The following CAT variants were observed in gnomAD, a reference collection of about 807,000 sequenced individuals.
The protein encoded by CAT is catalase, also known as epididymis secretory sperm binding protein.
A neutral mutation model predicts 59.0 loss-of-function variants in CAT; 43 were observed. The observed-to-expected ratio is 0.73, with a 90% CI of 0.57 to 0.94. The LOEUF (loss-of-function observed/expected upper bound fraction) is 0.94, where lower values mean the gene tolerates loss of function less well. Among genes scored for constraint, CAT ranks in the 40% least tolerant of loss-of-function variants. The pLI, the probability that CAT is intolerant of heterozygous loss-of-function variation, is 0.00. For missense variants in CAT, 664 were observed against 682.9 expected (o/e 0.97, Z 0.31); for synonymous variants, 218 against 230.9 (o/e 0.94, Z 0.51).
chr11:34,461,924 G>A (rs1856656475), intron 9 of CAT, among the ~76,000 whole-genome samples: 1 of 152,194 alleles, frequency 6.6e-6, no homozygotes, highest in Non-Finnish European at 1.5e-5. Flanking sequence ...GGGAGGCAGA[G>A]CAAGTCAAAG....
At chr11:34,445,345 T>C (rs1035130345) in intron 1 of CAT, among the ~76,000 whole-genome samples, 1 of 150,822 alleles carries the variant, frequency 6.6e-6, no homozygotes, top group African/African-American at 2.4e-5. Flanking sequence ...ATACAAAAAT[T>C]AGCTGGGTGT....
rs137989905 is a variant in CAT, at chr11:34,453,940, T to G, written c.711+14T>G. ...TTCCATTATAAGGTATGTGTTACCT[T>G]TGGGGCAGAGGGTACAAGGCTCCTA... On this transcript the variant is annotated intron_variant, in intron 6 of 12. Coordinates refer to ENST00000241052, the MANE Select transcript of CAT (RefSeq NM_001752.4). 3.4e-4 allele frequency: 553 copies of G among 1,613,188 alleles called. 1 individual carries two copies. The highest frequency in any genetic ancestry group is 2.9e-3 in the African/African-American group (216 of 75,006).
chr11:34,438,977 G>A lies in CAT; in HGVS notation c.-37G>A. ...CTGAGGGTGGAGACCCACGAGCCGA[G>A]GCCTCCTGCAGTGTTCTGCACAGCA... On this transcript the variant is annotated 5_prime_UTR_variant, in exon 1 of 13. Transcript: ENST00000241052. The A allele has an allele frequency of 6.4e-7, 1 of 1,551,742 alleles. No homozygotes were observed. Among genetic ancestry groups the A allele is most frequent in the Non-Finnish European group, 8.7e-7 (1 of 1,143,710 alleles).
chr11:34,466,780 C>CAAAAAAAAAAAAAAA (rs71457350), intron 10 of CAT, among the ~76,000 whole-genome samples: 7 of 41,130 alleles, frequency 1.7e-4, no homozygotes, highest in Non-Finnish European at 3.1e-4. Context: ...GACTCCGTCT[C>CAAAAAAAAAAAAAAA]AAAAAAAAAA....
At chr11:34,462,071 C>T (rs1190435487) in intron 9 of CAT, among the ~76,000 whole-genome samples, 1 of 152,102 alleles carries the variant, frequency 6.6e-6, no homozygotes, top group Admixed American at 6.5e-5. Flanking sequence ...CGTATACAAA[C>T]AGCCTCTGGT....
intron 11 of CAT, chr11:34,470,637 T>C: frequency 5.3e-6 from 2 of 374,674 alleles, no homozygotes; most frequent in South Asian, 2.2e-5. Context: ...TTTAGATCTG[T>C]GTCAGGAATG....
Position 34,464,234 on chromosome 11 carries a change from A to T in CAT, c.1325A>T (p.Gln442Leu). The change falls in exon 10 of 13, where the codon CAG (glutamine) becomes CTG (leucine). Residue 442 changes from glutamine (Q) to leucine (L), a missense_variant and splice_region_variant. Transcript: ENST00000241052. ...ACTGCCAATGATGATAACGTTACTC[A>T]GGTAATGACTTCTCTTTATCTGCTA... ...FNTANDDNVT[Q>L]VRAFYVNVLN... 6.2e-7 allele frequency: 1 copy of T among 1,613,936 alleles called. No individual in the cohort carries two copies.
chr11:34,446,127 T>A (rs1385461421), intron 1 of CAT, among the ~76,000 whole-genome samples: 1 of 152,184 alleles, frequency 6.6e-6, no homozygotes, highest in Non-Finnish European at 1.5e-5. Flanking sequence ...GTTCCTCTTA[T>A]CCAATGTTGC....
At chr11:34,468,530 A>G (rs1856743891) in intron 11 of CAT, 135 bp downstream of exon 11, 1 of 686,494 alleles carries the variant, frequency 1.5e-6, no homozygotes, top group East Asian at 2.7e-5. Flanking sequence ...AAAATAAACT[A>G]GTAATCCCCA....
At chr11:34,440,038 A>G (rs1856368945) in intron 1 of CAT, among the ~76,000 whole-genome samples, 1 of 152,184 alleles carries the variant, frequency 6.6e-6, no homozygotes. Flanking sequence ...AGATGAGACC[A>G]CATCTGGTCT....
chr11:34,457,507 C>T (rs948316211), intron 8 of CAT, among the ~76,000 whole-genome samples: 2 of 152,050 alleles, frequency 1.3e-5, no homozygotes, highest in African/African-American at 4.8e-5. Flanking sequence ...TGGCTGGCCT[C>T]ATTTTCTGTT....
chr11:34,460,446 C>CCTTTTTTTTTTTTTTT (rs764827639), intron 8 of CAT, among the ~76,000 whole-genome samples: 2 of 84,534 alleles, frequency 2.4e-5, no homozygotes, highest in Non-Finnish European at 2.2e-5. Flanking sequence ...GTGGGCGGTA[C>CCTTTTTTTTTTTTTTT]TTTTTTTTTT....
At chr11:34,470,663 A>G (rs1482273364) in intron 11 of CAT, 9 of 410,888 alleles carry the variant, frequency 2.2e-5, no homozygotes, top group Non-Finnish European at 4.1e-5. Context: ...CAAAGACCAA[A>G]TAGTATTTTT....
chr11:34,469,141 G>A (rs1428812756), intron 11 of CAT, among the ~76,000 whole-genome samples: 1 of 152,190 alleles, frequency 6.6e-6, no homozygotes, highest in Admixed American at 6.5e-5. Context: ...CTGTCCCAGA[G>A]CTAAGCTTTT....
chr11:34,461,404 G>T lies in CAT; in HGVS notation c.1195+15G>T, dbSNP rs368296215. 8 of 1,613,998 alleles carry T rather than the reference G, an allele frequency of 5.0e-6. No homozygotes were observed. Among genetic ancestry groups the T allele is most frequent in the Non-Finnish European group, 5.9e-6 (7 of 1,180,006 alleles). Reference sequence around the variant, plus strand: ...GGACAATCAGGGTAGGCCTAAAGACGTTGGGCTCCCCCTGCGTGGGCAGAG... The same window carrying T: ...GGACAATCAGGGTAGGCCTAAAGACTTTGGGCTCCCCCTGCGTGGGCAGAG... On this transcript the variant is annotated intron_variant, in intron 9 of 12. Coordinates refer to ENST00000241052, the MANE Select transcript of CAT (RefSeq NM_001752.4).
chr11:34,444,226 G>A (rs1171700950), intron 1 of CAT, among the ~76,000 whole-genome samples: 2 of 152,096 alleles, frequency 1.3e-5, no homozygotes, highest in African/African-American at 4.8e-5. Flanking sequence ...CATAGGGAAG[G>A]GCGATTCAGA....
At chr11:34,442,130 T>A (rs1374607053) in intron 1 of CAT, among the ~76,000 whole-genome samples, 2 of 152,244 alleles carry the variant, frequency 1.3e-5, no homozygotes. Context: ...TTTTACATGC[T>A]TATTGACCAT....
At chr11:34,453,480 A>C (rs1475173509) in intron 5 of CAT, among the ~76,000 whole-genome samples, 2 of 152,246 alleles carry the variant, frequency 1.3e-5, no homozygotes, top group East Asian at 3.8e-4. Context: ...GTATTAAGGA[A>C]GTGGGGGGAA....
intron 10 of CAT, among the ~76,000 whole-genome samples, chr11:34,465,539 C>G (rs1225356904): frequency 6.6e-6 from 1 of 152,084 alleles, no homozygotes; most frequent in Non-Finnish European, 1.5e-5. Flanking sequence ...TCATACAACC[C>G]CTGCAAAAAT....
Sources: gnomAD v4.1 joint callset for allele counts (sites outside exome capture counted in the v4.1 genomes callset) on GRCh38, gnomAD v4.1.1 for gene constraint, MANE v1.5 for transcripts, NCBI Gene and HGNC (gene_info 2026-07-23, HGNC 2026-07-21) for gene names.